RIPOR2: variants seen among roughly 807,000 people sequenced by gnomAD.
RIPOR2 encodes the protein rho family-interacting cell polarization regulator 2.
Under a neutral mutation model 114.5 loss-of-function variants are expected in RIPOR2, and 39 were observed. The observed-to-expected ratio is 0.34, with a 90% CI of 0.26 to 0.44. The LOEUF is 0.44. RIPOR2 is among the 20% of genes least tolerant of loss of function. The probability of loss-of-function intolerance (pLI) is 1.00; values close to 1 mark genes in which losing one functional copy is unlikely to be tolerated. For synonymous variants in RIPOR2, 445 were observed against 484.4 expected, an observed-to-expected ratio of 0.92 and a Z score of 1.07; for missense variants, 1,007 against 1,255.1, an observed-to-expected ratio of 0.80 and a Z score of 2.99.
chr6:24,855,575 T>A (rs1490495258), intron 8 of RIPOR2, among the ~76,000 whole-genome samples: 1 of 152,248 alleles, frequency 6.6e-6, no homozygotes, highest in Non-Finnish European at 1.5e-5. Context: ...GACATCCATA[T>A]GACAAATGGG....
chr6:25,000,811 G>C, intron 1 of RIPOR2, among the ~76,000 whole-genome samples: 1 of 152,096 alleles, frequency 6.6e-6, no homozygotes, highest in East Asian at 1.9e-4. Context: ...TGGACCAGCA[G>C]CAAGGAAATA....
intron 18 of RIPOR2, 151 bp downstream of exon 18, chr6:24,827,986 A>T: frequency 1.8e-6 from 1 of 553,464 alleles, no homozygotes; most frequent in Non-Finnish European, 2.9e-6. Context: ...CACTAATGTT[A>T]AAAGTCCAAA....
intron 1 of RIPOR2, chr6:25,015,572 A>C (rs1382658876): frequency 6.6e-6 from 1 of 151,988 alleles, no homozygotes; most frequent in Non-Finnish European, 1.5e-5. Flanking sequence ...GATCCTCTTG[A>C]CTCTGTAAAA....
At chr6:25,004,991 ACACACAC>A (rs1292790849) in intron 1 of RIPOR2, among the ~76,000 whole-genome samples, 4 of 292 alleles carry the variant, frequency 0.014, no homozygotes, top group Admixed American at 0.14. Context: ...TAGGCTACAC[ACACACAC>A]ACACACACAC....
intron 7 of RIPOR2, among the ~76,000 whole-genome samples, chr6:24,864,682 C>G (rs1232813062): frequency 6.6e-6 from 1 of 152,160 alleles, no homozygotes; most frequent in Non-Finnish European, 1.5e-5. Context: ...CTCTCTATGT[C>G]AGATGCTTGG....
intron 1 of RIPOR2, among the ~76,000 whole-genome samples, chr6:24,905,540 T>C (rs1292012446): frequency 6.6e-6 from 1 of 152,220 alleles, no homozygotes; most frequent in Non-Finnish European, 1.5e-5. Context: ...TAGGTTAACC[T>C]TGAACCTCTG....
intron 1 of RIPOR2, among the ~76,000 whole-genome samples, chr6:24,981,162 G>T (rs114166070): frequency 0.01 from 1,561 of 152,270 alleles, 21 homozygotes; most frequent in African/African-American, 0.026. Flanking sequence ...AGGCTTTCAA[G>T]GGCTGCTTTC....
At chr6:25,021,894 G>C (rs1776341518) in intron 1 of RIPOR2, among the ~76,000 whole-genome samples, 1 of 152,198 alleles carries the variant, frequency 6.6e-6, no homozygotes, top group Admixed American at 6.5e-5. Flanking sequence ...GAGTCAGTGA[G>C]AGACCAGATT....
intron 19 of RIPOR2, among the ~76,000 whole-genome samples, chr6:24,818,977 CATT>C (rs1759425784): frequency 1.3e-5 from 2 of 152,014 alleles, no homozygotes; most frequent in South Asian, 4.2e-4. Context: ...GATCCCAGAT[CATT>C]AACTTTTTCT....
chr6:24,805,655 C>T lies in RIPOR2; in HGVS notation c.*718G>A, dbSNP rs1326645826. On this transcript the variant is annotated 3_prime_UTR_variant, in exon 22 of 22. Coordinates refer to ENST00000643898, the MANE Select transcript of RIPOR2 (RefSeq NM_001286445.3). ...AAGTTAGGTAGCTAAGGGGACTACT[C>T]AACCCTGAGAACACGACCGAGAAAA... 2.6e-5 allele frequency: 4 copies of T among 152,104 alleles called. No individual in the cohort carries two copies. The highest frequency in any genetic ancestry group is 5.9e-5 in the Non-Finnish European group (4 of 68,010). 9.4% of individuals were successfully genotyped at this position (152,104 alleles called of 1,614,324 possible).
intron 1 of RIPOR2, among the ~76,000 whole-genome samples, chr6:24,930,779 T>G (rs1411868527): frequency 6.6e-6 from 1 of 152,234 alleles, no homozygotes; most frequent in Non-Finnish European, 1.5e-5. Context: ...CTTGGCAAAT[T>G]GTGAAAGCAA....
chr6:24,810,521 C>T (rs1328871246), intron 20 of RIPOR2, among the ~76,000 whole-genome samples: 5 of 152,188 alleles, frequency 3.3e-5, no homozygotes. Flanking sequence ...ATTGAGCACT[C>T]CATGAACCAG....
intron 1 of RIPOR2, among the ~76,000 whole-genome samples, chr6:24,914,865 G>A (rs867073409): frequency 2.6e-5 from 4 of 152,216 alleles, no homozygotes; most frequent in African/African-American, 9.6e-5. Context: ...AACCACTGCC[G>A]TTATGAAGTG....
intron 1 of RIPOR2, among the ~76,000 whole-genome samples, chr6:24,991,253 G>A (rs1273650670): frequency 6.6e-6 from 1 of 152,172 alleles, no homozygotes; most frequent in Non-Finnish European, 1.5e-5. Context: ...TTTGTACACT[G>A]TAGGATTCAG....
intron 4 of RIPOR2, among the ~76,000 whole-genome samples, chr6:24,872,434 G>T (rs1214553854): frequency 6.6e-6 from 1 of 152,028 alleles, no homozygotes; most frequent in Non-Finnish European, 1.5e-5. Context: ...GCTCAGGCTG[G>T]TCTCGAACTC....
chr6:24,946,266 G>C (rs1296041001), intron 1 of RIPOR2, among the ~76,000 whole-genome samples: 1 of 152,010 alleles, frequency 6.6e-6, no homozygotes, highest in Non-Finnish European at 1.5e-5. Flanking sequence ...GTAGAGATGA[G>C]GTTTCACCAT....
At chr6:24,847,895 A>G in intron 12 of RIPOR2, 130 bp downstream of exon 12, 1 of 1,295,262 alleles carries the variant, frequency 7.7e-7, no homozygotes, top group African/African-American at 1.5e-5. Context: ...GAGAGAGGAA[A>G]AACAGAGGAG....
At chr6:25,024,715 T>C (rs932739567) in intron 1 of RIPOR2, among the ~76,000 whole-genome samples, 5 of 152,350 alleles carry the variant, frequency 3.3e-5, no homozygotes, top group Admixed American at 3.3e-4. Context: ...CCGACAATAC[T>C]GCAGTGCTGT....
intron 1 of RIPOR2, among the ~76,000 whole-genome samples, chr6:25,007,033 C>T (rs1775585317): frequency 6.6e-6 from 1 of 152,140 alleles, no homozygotes; most frequent in African/African-American, 2.4e-5. Flanking sequence ...GGAGAGTTCT[C>T]CATAACCAAG....
Sources: gnomAD v4.1 joint callset for allele counts (sites outside exome capture counted in the v4.1 genomes callset) on GRCh38, gnomAD v4.1.1 for gene constraint, MANE v1.5 for transcripts, NCBI Gene and HGNC (gene_info 2026-07-23, HGNC 2026-07-21) for gene names.